AIM2: variants seen among roughly 807,000 people sequenced by gnomAD.
AIM2 encodes the protein absent in melanoma 2.
In AIM2, 30 loss-of-function variants were observed where a neutral mutation model predicts 27.7. The ratio of observed to expected loss-of-function variants is 1.08; its 90% CI spans 0.81 to 1.47. AIM2 has a LOEUF of 1.47. AIM2 is among the 40% of genes most tolerant of loss of function. The pLI is 0.00. For missense variants in AIM2, 358 were observed against 411.3 expected, an observed-to-expected ratio of 0.87 and a Z score of 1.12; for synonymous variants, 141 against 145.3, an observed-to-expected ratio of 0.97 and a Z score of 0.21.
At chr1:159,060,943 GTTTAAA>G (rs1229327329), downstream of AIM2, among the ~76,000 whole-genome samples, 1 of 152,192 alleles carries the variant, frequency 6.6e-6, no homozygotes, top group Non-Finnish European at 1.5e-5. Flanking sequence ...GTAAGCATAT[GTTTAAA>G]TTTATAAGAA....
chr1:159,136,896 CA>C (rs1648020241), intron 1 of AIM2, among the ~76,000 whole-genome samples: 1 of 152,278 alleles, frequency 6.6e-6, no homozygotes, highest in South Asian at 2.1e-4. Context: ...TGGACTGTTA[CA>C]AAACCCTCCA....
chr1:159,070,507 C>A (rs548448600), intron 2 of AIM2, among the ~76,000 whole-genome samples: 1 of 152,232 alleles, frequency 6.6e-6, no homozygotes, highest in African/African-American at 2.4e-5. Context: ...ACAAGATGGC[C>A]ATGTTTGATG....
intron 4 of AIM2, among the ~76,000 whole-genome samples, chr1:159,065,152 A>G (rs2101965296): frequency 6.6e-6 from 1 of 152,216 alleles, no homozygotes; most frequent in Middle Eastern, 3.4e-3. Context: ...TTCTCTCTCT[A>G]TGGTTCTTTA....
intron 1 of AIM2, among the ~76,000 whole-genome samples, chr1:159,089,179 G>A (rs1193087185): frequency 6.6e-6 from 1 of 152,178 alleles, no homozygotes; most frequent in Non-Finnish European, 1.5e-5. Flanking sequence ...TTCTGACCTA[G>A]GTGCTTATAA....
chr1:159,111,872 A>C (rs958603687), intron 1 of AIM2, among the ~76,000 whole-genome samples: 1 of 150,482 alleles, frequency 6.6e-6, no homozygotes, highest in Non-Finnish European at 1.5e-5. Flanking sequence ...CTATCTATCT[A>C]TCTATCTATC....
chr1:159,139,762 C>T (rs1416354143), intron 1 of AIM2, among the ~76,000 whole-genome samples: 1 of 152,200 alleles, frequency 6.6e-6, no homozygotes, highest in Admixed American at 6.5e-5. Flanking sequence ...TCTATTTGGG[C>T]ACACATACCC....
intron 1 of AIM2, among the ~76,000 whole-genome samples, chr1:159,093,922 A>G (rs1414550476): frequency 1.4e-5 from 2 of 143,830 alleles, no homozygotes; most frequent in Admixed American, 7.0e-5. Flanking sequence ...TTTGTATTTT[A>G]GTAGAGATGG....
At chr1:159,081,535 G>C (rs942155049), upstream of AIM2, 2 of 518,582 alleles carry the variant, frequency 3.9e-6, no homozygotes, top group Non-Finnish European at 7.9e-6. Flanking sequence ...TGCTGCAGAA[G>C]TCAAAATCCA....
At chr1:159,112,127 G>T (rs971857349) in intron 1 of AIM2, among the ~76,000 whole-genome samples, 1 of 152,008 alleles carries the variant, frequency 6.6e-6, no homozygotes, top group South Asian at 2.1e-4. Context: ...TAAACTTGCC[G>T]GTTAAAACAC....
chr1:159,103,608 T>A (rs956791544), intron 1 of AIM2, among the ~76,000 whole-genome samples: 1 of 152,198 alleles, frequency 6.6e-6, no homozygotes, highest in Non-Finnish European at 1.5e-5. Context: ...AGGCCTGGCA[T>A]ACATGAGCAA....
At chr1:159,115,169 C>A (rs1424828372) in intron 1 of AIM2, among the ~76,000 whole-genome samples, 1 of 151,970 alleles carries the variant, frequency 6.6e-6, no homozygotes, top group Non-Finnish European at 1.5e-5. Context: ...AACCACTGCT[C>A]AACGAAATAA....
chr1:159,098,713 A>AATCT (rs1657252984), intron 1 of AIM2, among the ~76,000 whole-genome samples: 1 of 152,222 alleles, frequency 6.6e-6, no homozygotes, highest in African/African-American at 2.4e-5. Flanking sequence ...AGAGTTAGTG[A>AATCT]CATCTAAGCT....
chr1:159,066,486 G>A (rs41264455), intron 3 of AIM2, among the ~76,000 whole-genome samples, 157 bp from the exon 4 acceptor site: 3,830 of 152,280 alleles, frequency 0.025, 74 homozygotes, highest in East Asian at 0.076. Flanking sequence ...TTGAGGCCTA[G>A]AACGATCCAG....
upstream of AIM2, among the ~76,000 whole-genome samples, chr1:159,143,581 T>TACACACACAC (rs6143439): frequency 1.5e-3 from 218 of 144,158 alleles, no homozygotes; most frequent in Middle Eastern, 3.5e-3. Flanking sequence ...GCTCAGTGTG[T>TACACACACAC]ACACACACAC....
rs1656621556 is a variant in AIM2, at chr1:159,076,623, T to C, written c.-21+10A>G. 2 of 152,260 alleles carry C rather than the reference T, an allele frequency of 1.3e-5. No individual in the cohort carries two copies. The highest frequency in any genetic ancestry group is 4.8e-5 in the African/African-American group (2 of 41,446). The allele number at this position is 152,260 out of a possible 1,614,324, so 9.4% of individuals were successfully genotyped here. ...TCTCGTCTCTAACCCAGCTCCTCTA[T>C]GGTGCTTACCTCCTGATCCCTGGGG... On this transcript the variant is annotated intron_variant, in intron 1 of 5. Transcript: ENST00000368130.
chr1:159,130,643 TTCTC>T (rs1299547497), intron 1 of AIM2, among the ~76,000 whole-genome samples: 1 of 151,974 alleles, frequency 6.6e-6, no homozygotes, highest in Non-Finnish European at 1.5e-5. Context: ...TTTTATCCTC[TTCTC>T]TCTCTTTCTC....
chr1:159,093,522 T>C (rs1020362874), intron 1 of AIM2, among the ~76,000 whole-genome samples: 1 of 152,098 alleles, frequency 6.6e-6, no homozygotes. Context: ...TTAGCAGCAC[T>C]GTTAAAGCCA....
At chr1:159,101,535 G>A (rs912380494) in intron 1 of AIM2, among the ~76,000 whole-genome samples, 2 of 152,204 alleles carry the variant, frequency 1.3e-5, no homozygotes, top group South Asian at 4.1e-4. Flanking sequence ...GTAACAGGCA[G>A]AGGTTAGAAC....
At chr1:159,055,878 A>G in the AIM2 span, among the ~76,000 whole-genome samples, 4 of 152,214 alleles carry the variant, frequency 2.6e-5, no homozygotes, top group East Asian at 7.7e-4. Context: ...ATAATATGTG[A>G]CAAACACGGA....
Sources: allele counts gnomAD v4.1 joint callset (sites outside exome capture counted in the v4.1 genomes callset), GRCh38; gene constraint gnomAD v4.1.1; transcripts MANE v1.5; gene names NCBI Gene and HGNC (gene_info 2026-07-23, HGNC 2026-07-21).